Variants in FAF1 observed in about 807,000 individuals in gnomAD.
FAF1 encodes the protein FAS-associated factor 1.
FAF1 carries 25 observed loss-of-function variants against 92.5 expected under a neutral mutation model. That is an observed-to-expected ratio of 0.27 (90% CI 0.20 to 0.38). FAF1 has a LOEUF of 0.38. Among genes scored for constraint, FAF1 ranks in the 10% least tolerant of loss-of-function variants. The probability of loss-of-function intolerance (pLI) is 1.00; values close to 1 mark genes in which losing one functional copy is unlikely to be tolerated. For synonymous variants in FAF1, 234 were observed against 273.2 expected, an observed-to-expected ratio of 0.86 and a Z score of 1.42; for missense variants, 636 against 793.3, an observed-to-expected ratio of 0.80 and a Z score of 2.38.
At chr1:50,822,266 A>G (rs1026947731) in intron 2 of FAF1, among the ~76,000 whole-genome samples, 1 of 152,060 alleles carries the variant, frequency 6.6e-6, no homozygotes, top group African/African-American at 2.4e-5. Flanking sequence ...CACTATCAAA[A>G]TAGCCCAACA....
chr1:50,886,831 A>G (rs1194780671), intron 1 of FAF1, among the ~76,000 whole-genome samples: 2 of 152,218 alleles, frequency 1.3e-5, no homozygotes, highest in Admixed American at 6.5e-5. Flanking sequence ...TAGTGCCGCA[A>G]TAAACATACG....
intron 18 of FAF1, 42 bp from the exon 19 acceptor site, chr1:50,441,565 C>T (rs1158769902): frequency 8.2e-7 from 1 of 1,214,010 alleles, no homozygotes; most frequent in African/African-American, 1.5e-5. Flanking sequence ...CTGAAACAAG[C>T]ACTATATTCT....
chr1:50,748,686 C>T (rs1403930765), intron 4 of FAF1, among the ~76,000 whole-genome samples: 1 of 152,154 alleles, frequency 6.6e-6, no homozygotes, highest in African/African-American at 2.4e-5. Flanking sequence ...ATCAGTGAAT[C>T]AGAATGTACT....
intron 17 of FAF1, 132 bp downstream of exon 17, chr1:50,490,453 AAGG>A (rs1557966741): frequency 2.7e-5 from 10 of 376,148 alleles, no homozygotes; most frequent in African/African-American, 1.5e-4. Context: ...GGAAGGAAGG[AAGG>A]AAGGAAAAAG....
At chr1:50,492,116 T>C (rs746714010) in intron 15 of FAF1, among the ~76,000 whole-genome samples, 29 of 152,186 alleles carry the variant, frequency 1.9e-4, no homozygotes, top group Non-Finnish European at 3.2e-4. Context: ...CTGTGAGAAT[T>C]AAGTGCAATA....
At chr1:50,568,850 T>C (rs909464263) in intron 12 of FAF1, among the ~76,000 whole-genome samples, 8 of 152,268 alleles carry the variant, frequency 5.3e-5, no homozygotes, top group African/African-American at 1.7e-4. Flanking sequence ...GCCAGACTGC[T>C]TTGGGCTGAG....
chr1:50,834,982 C>G (rs1283783395), intron 2 of FAF1, among the ~76,000 whole-genome samples: 1 of 152,116 alleles, frequency 6.6e-6, no homozygotes, highest in African/African-American at 2.4e-5. Flanking sequence ...ACAGATAACA[C>G]AGCAAAGAAA....
intron 2 of FAF1, among the ~76,000 whole-genome samples, chr1:50,804,016 AG>A (rs200893646): frequency 0.014 from 2,170 of 152,298 alleles, 28 homozygotes; most frequent in Non-Finnish European, 0.022. Flanking sequence ...ACAGAAGCAA[AG>A]GAAAATTCCA....
chr1:50,642,809 T>C (rs571782222), intron 8 of FAF1, among the ~76,000 whole-genome samples: 1 of 152,228 alleles, frequency 6.6e-6, no homozygotes, highest in East Asian at 1.9e-4. Context: ...ATTTATCCCA[T>C]CTGTTCTCTG....
At chr1:50,806,351 A>T (rs140562672) in intron 2 of FAF1, among the ~76,000 whole-genome samples, 123 of 152,352 alleles carry the variant, frequency 8.1e-4, no homozygotes, top group African/African-American at 2.9e-3. Flanking sequence ...ATTAAATCAG[A>T]TAATACAAGT....
At chr1:50,737,314 G>A (rs1659181696) in intron 6 of FAF1, among the ~76,000 whole-genome samples, 1 of 152,156 alleles carries the variant, frequency 6.6e-6, no homozygotes, top group Admixed American at 6.6e-5. Flanking sequence ...GTTTCCATTA[G>A]CCCAGGTAGA....
intron 13 of FAF1, among the ~76,000 whole-genome samples, chr1:50,566,869 T>G (rs1044408908): frequency 6.6e-6 from 1 of 152,146 alleles, no homozygotes; most frequent in African/African-American, 2.4e-5. Context: ...CAGGTTATTC[T>G]TGAATTTAAA....
intron 4 of FAF1, among the ~76,000 whole-genome samples, chr1:50,755,921 C>A (rs1453184223): frequency 6.6e-6 from 1 of 152,196 alleles, no homozygotes; most frequent in Non-Finnish European, 1.5e-5. Context: ...GCACACAGCA[C>A]AGGGACCCTG....
intron 18 of FAF1, among the ~76,000 whole-genome samples, chr1:50,448,995 A>G (rs1646262190): frequency 6.6e-6 from 1 of 151,574 alleles, no homozygotes; most frequent in Admixed American, 6.6e-5. Context: ...GGGAAAATCA[A>G]CTAGTCAGGG....
intron 1 of FAF1, among the ~76,000 whole-genome samples, chr1:50,886,284 C>A (rs187973708): frequency 4.0e-4 from 61 of 152,144 alleles, no homozygotes; most frequent in African/African-American, 1.1e-3. Flanking sequence ...TGATGAAATC[C>A]CTCCGCTTTT....
At chr1:50,943,258 G>C (rs1356258728) in intron 1 of FAF1, among the ~76,000 whole-genome samples, 3 of 152,132 alleles carry the variant, frequency 2.0e-5, no homozygotes. Flanking sequence ...ACTCCAAGCA[G>C]CAGGATGAGG....
intron 12 of FAF1, among the ~76,000 whole-genome samples, chr1:50,577,814 T>G (rs772770213): frequency 1.7e-4 from 26 of 152,176 alleles, no homozygotes; most frequent in Non-Finnish European, 3.5e-4. Flanking sequence ...AAGTCAATAC[T>G]TTGTCACGAT....
In FAF1 at chr1:50,613,967, C is replaced by T. The variant is rs2896886; in HGVS notation, c.745-17751G>A. On this transcript the variant is annotated intron_variant, in intron 8 of 18. Transcript: ENST00000396153. ...CAAAAATTATCCGGGCGTGGTGGCACGTGCCTGTAATCTCAGCTACTTGGG... is the reference window on the plus strand; with the variant it reads ...CAAAAATTATCCGGGCGTGGTGGCATGTGCCTGTAATCTCAGCTACTTGGG... Among the ~76,000 whole-genome samples the T allele has an allele frequency of 9.7e-3, 1,468 of 151,964 alleles. 23 individuals carry two copies. The highest frequency in any genetic ancestry group is 0.033 in the African/African-American group (1,388 of 41,434).
intron 8 of FAF1, among the ~76,000 whole-genome samples, chr1:50,646,249 A>G (rs913806578): frequency 1.3e-5 from 2 of 152,148 alleles, no homozygotes; most frequent in African/African-American, 4.8e-5. Flanking sequence ...CCACCCATAC[A>G]TATATACACA....
Sources: gnomAD v4.1 joint callset for allele counts (sites outside exome capture counted in the v4.1 genomes callset) on GRCh38, gnomAD v4.1.1 for gene constraint, MANE v1.5 for transcripts, NCBI Gene and HGNC (gene_info 2026-07-23, HGNC 2026-07-21) for gene names.